MDN1: variants seen among roughly 807,000 people sequenced by gnomAD.
MDN1 encodes midasin AAA ATPase 1.
Under a neutral mutation model 669.2 loss-of-function variants are expected in MDN1, and 266 were observed. The ratio of observed to expected loss-of-function variants is 0.40; its 90% CI spans 0.36 to 0.44. MDN1 has a LOEUF of 0.44. Among genes scored for constraint, MDN1 ranks in the 20% least tolerant of loss-of-function variants. The probability of loss-of-function intolerance (pLI) is 1.00; values close to 1 mark genes in which losing one functional copy is unlikely to be tolerated. For missense variants in MDN1, 5,940 were observed against 6,754.0 expected (o/e 0.88, Z 4.22); for synonymous variants, 2,385 against 2,457.1 (o/e 0.97, Z 0.87).
At chr6:89,672,163 CT>C (rs1810838257) in intron 82 of MDN1, 36 bp downstream of exon 82, 1 of 1,533,884 alleles carries the variant, frequency 6.5e-7, no homozygotes, top group South Asian at 1.3e-5. Flanking sequence ...TCAGTGCATT[CT>C]GAAGAGGAAG....
chr6:89,721,187 A>G (rs1814794300), intron 40 of MDN1, among the ~76,000 whole-genome samples: 2 of 152,202 alleles, frequency 1.3e-5, no homozygotes, highest in Admixed American at 1.3e-4. Context: ...CCTGTGAGGT[A>G]TGGTGCTGGG....
chr6:89,725,223 C>G lies in MDN1; in HGVS notation c.5646G>C (p.Arg1882Ser). The G allele has an allele frequency of 6.2e-7, 1 of 1,613,984 alleles. No homozygotes were observed. Among genetic ancestry groups the G allele is most frequent in the Non-Finnish European group, 8.5e-7 (1 of 1,179,938 alleles). The change falls in exon 38 of 102, where the codon AGG becomes AGC. Residue 1882 changes from arginine (R) to serine (S), a missense_variant. Arg to Ser is a moderately radical substitution (Grantham distance 110). This residue lies in a region of MDN1 where 2,292 missense variants were observed against 2,638.3 expected (regional missense o/e 0.87). Coordinates refer to ENST00000369393, the MANE Select transcript of MDN1 (RefSeq NM_014611.3). ...RQGGGRKGLP[R>S]SFLNRFTQVF... ...CCTGAGTGAATCTGTTAAGGAAAGA[C>G]CTGGGCAAGCCTTTCCTCCCACCTC...
chr6:89,762,670 G>C, intron 15 of MDN1, 140 bp from the exon 16 acceptor site: 1 of 649,280 alleles, frequency 1.5e-6, no homozygotes, highest in Non-Finnish European at 2.6e-6. Context: ...TAAAATCTAC[G>C]TTACAGTTTT....
In MDN1 at chr6:89,718,978, T is replaced by A; in HGVS notation, c.6110A>T (p.His2037Leu). The A allele has an allele frequency of 6.2e-7, 1 of 1,614,110 alleles. No individual in the cohort carries two copies. Residue 2037 changes from histidine (H) to leucine (L), a missense_variant, in exon 42 of 102, where the codon CAT becomes CTT. By Grantham distance (99) the His-to-Leu change is moderately conservative. This residue lies in a region of MDN1 where 2,292 missense variants were observed against 2,638.3 expected (regional missense o/e 0.87). Coordinates refer to ENST00000369393, the MANE Select transcript of MDN1 (RefSeq NM_014611.3). ...TGACTGGTGCAGGAGCAACAGGGGA[T>A]GGCGGGACGGGTGAGGAACACAGCT... ...RGSCVPHPSRHPLLLLHQSFQ... is the reference protein window; with the variant it reads ...RGSCVPHPSRLPLLLLHQSFQ...
In MDN1 at chr6:89,747,483, C is replaced by G; in HGVS notation, c.3763-13G>C. 1 of 1,606,718 alleles carries G rather than the reference C, an allele frequency of 6.2e-7. No individual in the cohort carries two copies. The highest frequency in any genetic ancestry group is 8.5e-7 in the Non-Finnish European group (1 of 1,177,742). ...TTCTGCGATAGGACTGTTGAAGTAT[C>G]AAAACAAATGAAAAGGGGCATCAGC... On this transcript the variant is annotated splice_polypyrimidine_tract_variant and intron_variant, in intron 26 of 101. Transcript: ENST00000369393.
At position 89,644,141 on chromosome 6, in the gene MDN1, G is replaced by T; in HGVS notation, c.16655C>A (p.Pro5552His). Residue 5552 changes from proline to histidine, a missense_variant, in exon 102 of 102, where the codon CCT becomes CAT. This residue lies in a region of MDN1 where 2,280 missense variants were observed against 2,576.3 expected (regional missense o/e 0.88). Coordinates refer to ENST00000369393, the MANE Select transcript of MDN1 (RefSeq NM_014611.3). The stretch of plus-strand genomic sequence containing the variant: ...CTCTTCCATGTAGGATCGGATTTCA[G>T]GCATCTCTCCAGGTCCTTTAAATAT... ...VPIFKGPGEM[P>H]EIRSYMEEFP... 6.2e-7 allele frequency: 1 copy of T among 1,614,092 alleles called. No individual in the cohort carries two copies. The highest frequency in any genetic ancestry group is 8.5e-7 in the Non-Finnish European group (1 of 1,179,998).
chr6:89,758,685 A>T, intron 18 of MDN1, 131 bp downstream of exon 18: 1 of 969,766 alleles, frequency 1.0e-6, no homozygotes, highest in Non-Finnish European at 1.5e-6. Flanking sequence ...GCAGAAAATT[A>T]ATATCTAAAG....
intron 5 of MDN1, among the ~76,000 whole-genome samples, chr6:89,790,696 C>A (rs977958525): frequency 1.7e-4 from 26 of 152,006 alleles, no homozygotes; most frequent in Non-Finnish European, 2.9e-4. Flanking sequence ...CACAGAGACC[C>A]CGACTCTAGA....
At position 89,695,707 on chromosome 6, in the gene MDN1, G is replaced by A. The variant is rs1381764317; in HGVS notation, c.9669C>T (p.Leu3223=). 4 of 1,613,770 alleles carry A rather than the reference G, an allele frequency of 2.5e-6. No individual in the cohort carries two copies. The highest frequency in any genetic ancestry group is 3.4e-6 in the Non-Finnish European group (4 of 1,180,018). The change falls in exon 61 of 102, where the codon CTC becomes CTT. Residue 3223 remains leucine, a synonymous_variant. Transcript: ENST00000369393. This position sits in a 1 kb window ranked among gnomAD's most constrained non-coding sequence, Gnocchi z 4.1. ...TCTGGAGCAAGCCGAGGCTCACCCA[G>A]AGGCTCCCACGCTGGGCTGGCTCAG... ...SLPEPAQRGS[L]WVSLGLLQIQ...
In MDN1 at chr6:89,713,137, C is replaced by T. The variant is rs763421963; in HGVS notation, c.7218+11G>A. ...TACAACTTAGAAACATTCTGCAATA[C>T]TTCATAGTACCTTCCGGTTTGCTGG... On this transcript the variant is annotated intron_variant, in intron 47 of 101. Coordinates refer to ENST00000369393, the MANE Select transcript of MDN1 (RefSeq NM_014611.3). 6.2e-7 allele frequency: 1 copy of T among 1,602,912 alleles called. No individual in the cohort carries two copies. Among genetic ancestry groups the T allele is most frequent in the Non-Finnish European group, 8.5e-7 (1 of 1,176,502 alleles).
At chr6:89,793,676 C>G (rs892898513) in intron 5 of MDN1, 86 bp downstream of exon 5, 2 of 1,113,998 alleles carry the variant, frequency 1.8e-6, no homozygotes, top group African/African-American at 3.2e-5. Context: ...TAGCTCACAC[C>G]TGGTACATAG....
At chr6:89,775,309 T>C (rs1417108568) in intron 12 of MDN1, among the ~76,000 whole-genome samples, 1 of 152,214 alleles carries the variant, frequency 6.6e-6, no homozygotes, top group Non-Finnish European at 1.5e-5. Context: ...GGAATGAATA[T>C]TCATGGTGGT....
intron 38 of MDN1, among the ~76,000 whole-genome samples, chr6:89,723,846 G>A (rs1815008465): frequency 6.6e-6 from 1 of 152,022 alleles, no homozygotes; most frequent in African/African-American, 2.4e-5. Flanking sequence ...CTATTCTAGT[G>A]AATTAAAGAA....
At chr6:89,728,571 C>T (rs954677083) in intron 36 of MDN1, among the ~76,000 whole-genome samples, 1 of 152,186 alleles carries the variant, frequency 6.6e-6, no homozygotes, top group Non-Finnish European at 1.5e-5. Context: ...TGGCTTACGC[C>T]TGTAATCCCA....
intron 11 of MDN1, among the ~76,000 whole-genome samples, chr6:89,779,125 A>G (rs934789582): frequency 3.9e-5 from 6 of 152,178 alleles, no homozygotes; most frequent in Admixed American, 2.6e-4. Context: ...TCTGCATGGA[A>G]TAAGGGGGGA....
At position 89,684,344 on chromosome 6, in the gene MDN1, AAAAAAC is replaced by A. The variant is rs1424455271; in HGVS notation, c.11830-446_11830-441del. Among the ~76,000 whole-genome samples the A allele has an allele frequency of 1.5e-4, 23 of 152,138 alleles. No individual in the cohort carries two copies. In the South Asian group the frequency reaches 3.7e-3, roughly 25 times the overall value. ...GGCAACAGAGTTGAGACTGGGTCTC[AAAAAAC>A]AAAAACAAAAACAACAAATGTTTTG... On this transcript the variant is annotated intron_variant, in intron 71 of 101. Transcript: ENST00000369393.
rs539096626 is a variant in MDN1, at chr6:89,645,264, T to TA, written c.16460-108dup. On this transcript the variant is annotated intron_variant, in intron 100 of 101. Coordinates refer to ENST00000369393, the MANE Select transcript of MDN1 (RefSeq NM_014611.3). ...TTAGTGTAGGCTTTCTCTGTACTAT[T>TA]AAAGCTAAACAGACCTCTAAAGCTG... The TA allele has an allele frequency of 1.4e-3, 1,757 of 1,267,914 alleles. 5 individuals are homozygous for TA. The highest frequency in any genetic ancestry group is 2.4e-3 in the South Asian group (152 of 62,286). The allele number at this position is 1,267,914 out of a possible 1,614,324, so 78.5% of individuals were successfully genotyped here. A position where few individuals can be genotyped will look rare whatever the true frequency, so the allele number is the denominator to read the frequency against.
intron 20 of MDN1, 108 bp from the exon 21 acceptor site, chr6:89,754,338 G>A (rs1447102229): frequency 5.3e-6 from 6 of 1,123,238 alleles, no homozygotes; most frequent in Non-Finnish European, 7.5e-6. Flanking sequence ...AAATGATCAT[G>A]CACACAACTT....
chr6:89,817,823 G>A (rs564284550), intron 1 of MDN1, among the ~76,000 whole-genome samples: 1 of 90,748 alleles, frequency 1.1e-5, no homozygotes, highest in African/African-American at 4.4e-5. Context: ...TTGCACCACT[G>A]CCATTTACGA....
Sources: allele counts gnomAD v4.1 joint callset (sites outside exome capture counted in the v4.1 genomes callset), GRCh38; gene constraint gnomAD v4.1.1; regional missense constraint gnomAD v4.1.1; non-coding constraint Gnocchi (gnomAD v3.1); transcripts MANE v1.5; gene names NCBI Gene and HGNC (gene_info 2026-07-23, HGNC 2026-07-21).